CNTNAP2: variants seen among roughly 807,000 people sequenced by gnomAD.
The protein encoded by CNTNAP2 is contactin associated protein 2.
A neutral mutation model predicts 155.2 loss-of-function variants in CNTNAP2; 98 were observed. The ratio of observed to expected loss-of-function variants is 0.63; its 90% CI spans 0.54 to 0.75. The LOEUF is 0.75. CNTNAP2 is among the 30% of genes least tolerant of loss of function. The pLI, the probability that CNTNAP2 is intolerant of heterozygous loss-of-function variation, is 0.00. For synonymous variants in CNTNAP2, 651 were observed against 631.2 expected (o/e 1.03, Z -0.47); for missense variants, 1,727 against 1,688.1 (o/e 1.02, Z -0.40).
At chr7:146,614,457 CCA>C (rs1307150568) in intron 1 of CNTNAP2, among the ~76,000 whole-genome samples, 2 of 152,004 alleles carry the variant, frequency 1.3e-5, no homozygotes. Flanking sequence ...TATAACAAAT[CCA>C]GAGACACAAG....
intron 1 of CNTNAP2, among the ~76,000 whole-genome samples, chr7:146,736,572 C>G (rs1180501671): frequency 6.6e-6 from 1 of 152,156 alleles, no homozygotes; most frequent in African/African-American, 2.4e-5. Flanking sequence ...ACTAACTTGA[C>G]TGTTAGTTGC....
At chr7:148,222,051 C>T (rs535563036) in intron 19 of CNTNAP2, among the ~76,000 whole-genome samples, 65 of 152,338 alleles carry the variant, frequency 4.3e-4, no homozygotes, top group Middle Eastern at 3.4e-3. Flanking sequence ...ATGTCTGCCA[C>T]GGTGTGAGGG....
At chr7:147,988,973 C>T (rs1801666778) in intron 15 of CNTNAP2, among the ~76,000 whole-genome samples, 2 of 152,156 alleles carry the variant, frequency 1.3e-5, no homozygotes, top group Admixed American at 1.3e-4. Context: ...GGCTCTGATC[C>T]TGGATCAGTT....
At chr7:148,217,606 G>C (rs1332582775) in intron 19 of CNTNAP2, 82 bp downstream of exon 19, 18 of 1,468,210 alleles carry the variant, frequency 1.2e-5, no homozygotes, top group Non-Finnish European at 1.6e-5. Flanking sequence ...GATTGTTCTT[G>C]GTTTGTTATT....
intron 8 of CNTNAP2, among the ~76,000 whole-genome samples, chr7:147,143,424 T>C (rs1356138857): frequency 6.6e-6 from 1 of 152,214 alleles, no homozygotes; most frequent in Non-Finnish European, 1.5e-5. Context: ...ATTTATTATA[T>C]TGTTAAGATA....
intron 22 of CNTNAP2, among the ~76,000 whole-genome samples, chr7:148,402,266 C>A (rs542734101): frequency 6.6e-6 from 1 of 152,120 alleles, no homozygotes; most frequent in Admixed American, 6.6e-5. Flanking sequence ...AAGTCAGGAG[C>A]CAAAAAGTCA....
At chr7:146,243,294 A>G (rs986203480) in intron 1 of CNTNAP2, among the ~76,000 whole-genome samples, 4 of 151,978 alleles carry the variant, frequency 2.6e-5, no homozygotes, top group Non-Finnish European at 5.9e-5. Context: ...TATATTAATT[A>G]TTTATGTATT....
At chr7:147,031,242 G>C (rs1327262851) in intron 3 of CNTNAP2, among the ~76,000 whole-genome samples, 2 of 151,852 alleles carry the variant, frequency 1.3e-5, no homozygotes, top group Non-Finnish European at 2.9e-5. Flanking sequence ...AATTATAGGA[G>C]GTTTGGAAAG....
intron 10 of CNTNAP2, among the ~76,000 whole-genome samples, chr7:147,472,830 T>TAAC (rs1313540234): frequency 6.6e-6 from 1 of 152,178 alleles, no homozygotes; most frequent in African/African-American, 2.4e-5. Flanking sequence ...AATTAGAGAA[T>TAAC]AACATCCAAA....
intron 1 of CNTNAP2, among the ~76,000 whole-genome samples, chr7:146,325,910 A>G (rs1486478150): frequency 6.6e-6 from 1 of 152,200 alleles, no homozygotes; most frequent in Non-Finnish European, 1.5e-5. Context: ...TTGTCTAGCT[A>G]TCCATCTGGC....
chr7:146,263,547 C>T (rs1209099025), intron 1 of CNTNAP2, among the ~76,000 whole-genome samples: 2 of 152,126 alleles, frequency 1.3e-5, no homozygotes, highest in African/African-American at 2.4e-5. Flanking sequence ...TCAAGTAAAA[C>T]TTTGAAATGA....
intron 11 of CNTNAP2, among the ~76,000 whole-genome samples, chr7:147,541,859 G>A (rs898711199): frequency 2.0e-5 from 3 of 152,108 alleles, no homozygotes; most frequent in Non-Finnish European, 4.4e-5. Flanking sequence ...TTAATCATTA[G>A]CGATTTAGGT....
chr7:148,021,234 A>G (rs985428454), intron 15 of CNTNAP2, among the ~76,000 whole-genome samples: 2 of 152,166 alleles, frequency 1.3e-5, no homozygotes, highest in African/African-American at 2.4e-5. Flanking sequence ...TATCAAATAA[A>G]TTTATTAAAC....
intron 8 of CNTNAP2, among the ~76,000 whole-genome samples, chr7:147,224,425 A>G (rs1044358142): frequency 6.6e-6 from 1 of 152,198 alleles, no homozygotes; most frequent in Non-Finnish European, 1.5e-5. Flanking sequence ...AGAGTTAAAT[A>G]TGGCCCAAAG....
intron 13 of CNTNAP2, among the ~76,000 whole-genome samples, chr7:147,668,857 G>A (rs1795742104): frequency 6.6e-6 from 1 of 152,094 alleles, no homozygotes; most frequent in Non-Finnish European, 1.5e-5. Flanking sequence ...AGTGTGCGGT[G>A]ATGCCCTAGG....
intron 13 of CNTNAP2, among the ~76,000 whole-genome samples, chr7:147,725,215 T>C (rs1451854775): frequency 2.0e-5 from 3 of 149,074 alleles, no homozygotes; most frequent in Non-Finnish European, 4.4e-5. Context: ...ATCCATTTTG[T>C]ACTTAAAAAA....
At chr7:146,631,095 T>C (rs1246086838) in intron 1 of CNTNAP2, among the ~76,000 whole-genome samples, 1 of 152,154 alleles carries the variant, frequency 6.6e-6, no homozygotes, top group Non-Finnish European at 1.5e-5. Flanking sequence ...AGAGCCCATG[T>C]ACCCAAGACA....
intron 1 of CNTNAP2, among the ~76,000 whole-genome samples, chr7:146,383,042 C>A (rs768573677): frequency 8.5e-5 from 13 of 152,064 alleles, no homozygotes; most frequent in Admixed American, 3.3e-4. Flanking sequence ...AGCTGTAAAG[C>A]CTTCTGGCAT....
At chr7:148,321,611 G>A (rs149881006) in intron 21 of CNTNAP2, among the ~76,000 whole-genome samples, 2 of 152,316 alleles carry the variant, frequency 1.3e-5, no homozygotes, top group African/African-American at 2.4e-5. Flanking sequence ...TTGAGCTGAT[G>A]CAAAAGATCA....
Sources: allele counts gnomAD v4.1 joint callset (sites outside exome capture counted in the v4.1 genomes callset), GRCh38; gene constraint gnomAD v4.1.1; transcripts MANE v1.5; gene names NCBI Gene and HGNC (gene_info 2026-07-23, HGNC 2026-07-21).